Variants in DENND2B observed in about 807,000 individuals in gnomAD.
DENND2B encodes the protein DENN domain containing 2B.
A neutral mutation model predicts 116.0 loss-of-function variants in DENND2B; 32 were observed. The ratio of observed to expected loss-of-function variants is 0.28; its 90% CI spans 0.21 to 0.37. The LOEUF is 0.37. Ranked by LOEUF, DENND2B falls within the 10% of genes least tolerant of loss-of-function variation. The pLI is 1.00. For missense variants in DENND2B, 1,276 were observed against 1,477.7 expected (o/e 0.86, Z 2.24); for synonymous variants, 588 against 583.9 (o/e 1.01, Z -0.10).
intron 1 of DENND2B, among the ~76,000 whole-genome samples, chr11:8,883,822 A>G (rs1305472828): frequency 6.6e-6 from 1 of 152,228 alleles, no homozygotes; most frequent in Non-Finnish European, 1.5e-5. Flanking sequence ...TATCAATTAG[A>G]TACCATCGTC....
intron 1 of DENND2B, among the ~76,000 whole-genome samples, chr11:8,784,955 A>G (rs2058757634): frequency 6.6e-6 from 1 of 152,228 alleles, no homozygotes; most frequent in Non-Finnish European, 1.5e-5. Context: ...TTGAAACTAA[A>G]CAGGGAAGTA....
intron 3 of DENND2B, 113 bp downstream of exon 3, chr11:8,729,826 TTCAGCACTTCA>T: frequency 3.9e-6 from 5 of 1,278,546 alleles, no homozygotes; most frequent in Non-Finnish European, 5.4e-6. Context: ...CTAACAATTA[TTCAGCACTTCA>T]GAGCTTACGA....
intron 1 of DENND2B, among the ~76,000 whole-genome samples, chr11:8,797,480 C>G (rs917393674): frequency 7.6e-6 from 1 of 132,418 alleles, no homozygotes; most frequent in Admixed American, 8.5e-5. Flanking sequence ...TCTTCCCCTT[C>G]TTCCCTCTTC....
In DENND2B at chr11:8,806,062, G is replaced by A. The variant is rs576937647; in HGVS notation, c.-26+4455C>T. 9.9e-5 allele frequency among the ~76,000 whole-genome samples: 15 copies of A among 152,274 alleles called. No individual in the cohort carries two copies. In the East Asian group the frequency reaches 1.5e-3, roughly 16 times the overall value. ...CTTCTGCTAAATTGTGTAGGCCTCC[G>A]AGGTCAGCCCTTCTCTCGATTACCA... On this transcript the variant is annotated intron_variant, in intron 1 of 19. Coordinates refer to ENST00000313726, the MANE Select transcript of DENND2B (RefSeq NM_213618.2).
intron 1 of DENND2B, chr11:8,809,739 C>G (rs2061217554): frequency 6.6e-6 from 1 of 152,246 alleles, no homozygotes; most frequent in South Asian, 2.1e-4. Context: ...AAGGAATCCA[C>G]CCGGCACAAC....
In DENND2B at chr11:8,752,677, C is replaced by A. The variant is rs76592392; in HGVS notation, c.-25-1952G>T. Among the ~76,000 whole-genome samples, 118 of 152,208 alleles carry A rather than the reference C, an allele frequency of 7.8e-4. 1 individual carries two copies. The East Asian group carries it at 0.022, about 29-fold the overall frequency. ...TTAAATATTTAAAAGTAAAAAATGT[C>A]TGTTCATGTACCATATATTCTTAGC... On this transcript the variant is annotated intron_variant, in intron 1 of 19. Coordinates refer to ENST00000313726, the MANE Select transcript of DENND2B (RefSeq NM_213618.2).
intron 2 of DENND2B, among the ~76,000 whole-genome samples, chr11:8,738,431 T>A (rs148187509): frequency 5.0e-4 from 76 of 152,280 alleles, no homozygotes; most frequent in African/African-American, 1.6e-3. Flanking sequence ...CTAGCTACAC[T>A]TAACGCTCTA....
intron 1 of DENND2B, among the ~76,000 whole-genome samples, chr11:8,802,065 C>T (rs1394226632): frequency 6.6e-6 from 1 of 150,782 alleles, no homozygotes; most frequent in African/African-American, 2.4e-5. Context: ...CTTTGGGAGG[C>T]CTAGGCAGGT....
At chr11:8,816,320 A>G (rs2061565846) in intron 4 of DENND2B, among the ~76,000 whole-genome samples, 1 of 152,122 alleles carries the variant, frequency 6.6e-6, no homozygotes, top group Admixed American at 6.5e-5. Flanking sequence ...CTGGGGTGGG[A>G]GAATTGCTTG....
chr11:8,725,244 C>T (rs1203640484), intron 4 of DENND2B, among the ~76,000 whole-genome samples: 1 of 152,074 alleles, frequency 6.6e-6, no homozygotes, highest in African/African-American at 2.4e-5. Flanking sequence ...TAAAAGAGAC[C>T]CCAGAGAACT....
chr11:8,854,163 G>A (rs1441656580), intron 3 of DENND2B, among the ~76,000 whole-genome samples: 2 of 150,126 alleles, frequency 1.3e-5, no homozygotes, highest in Non-Finnish European at 3.0e-5. Flanking sequence ...CACCATGTCT[G>A]GCCATATATT....
rs756548268 is a variant in DENND2B at position 8,714,731 on chromosome 11, G to A, written c.1846-25C>T. ...GCTGGGTGAGAAAAGCAGGATGGGT[G>A]AGGTAACCTTAACACCAGCTGCCCT... On this transcript the variant is annotated intron_variant, in intron 6 of 19. Transcript: ENST00000313726. 12 of 1,602,604 alleles carry A rather than the reference G, an allele frequency of 7.5e-6. No individual in the cohort carries two copies. In the South Asian group the frequency reaches 7.7e-5, roughly 10 times the overall value.
intron 2 of DENND2B, among the ~76,000 whole-genome samples, chr11:8,859,760 C>T (rs1347690585): frequency 6.6e-6 from 1 of 152,154 alleles, no homozygotes; most frequent in Admixed American, 6.5e-5. Context: ...GCCCCACTAC[C>T]CCCACTACCC....
chr11:8,830,235 C>T (rs1303915766), intron 4 of DENND2B, among the ~76,000 whole-genome samples: 1 of 152,190 alleles, frequency 6.6e-6, no homozygotes, highest in Non-Finnish European at 1.5e-5. Flanking sequence ...CCACACCTAC[C>T]CCTCCAAGGT....
intron 1 of DENND2B, among the ~76,000 whole-genome samples, chr11:8,910,437 A>G (rs1190783359): frequency 1.3e-5 from 2 of 151,980 alleles, no homozygotes; most frequent in Non-Finnish European, 2.9e-5. Flanking sequence ...TCTGTCGCCC[A>G]GGCTGGAGTG....
chr11:8,743,306 T>C (rs1049943677), intron 2 of DENND2B, among the ~76,000 whole-genome samples: 3 of 151,912 alleles, frequency 2.0e-5, no homozygotes, highest in Admixed American at 6.6e-5. Context: ...TTCCAGCACT[T>C]TGGGAGGCTG....
chr11:8,717,135 G>A (rs1166230954), intron 5 of DENND2B, among the ~76,000 whole-genome samples: 1 of 152,144 alleles, frequency 6.6e-6, no homozygotes, highest in Non-Finnish European at 1.5e-5. Context: ...GACAAGGACA[G>A]AAGGAGCTGA....
At chr11:8,894,957 T>C (rs1373119384) in intron 1 of DENND2B, among the ~76,000 whole-genome samples, 1 of 152,190 alleles carries the variant, frequency 6.6e-6, no homozygotes, top group African/African-American at 2.4e-5. Flanking sequence ...CACGTATGTT[T>C]ATTGCGGCAC....
chr11:8,895,799 T>C (rs779214221), intron 1 of DENND2B, among the ~76,000 whole-genome samples: 2 of 152,174 alleles, frequency 1.3e-5, no homozygotes, highest in Non-Finnish European at 2.9e-5. Context: ...GAAAGGTTTA[T>C]TCTTTTAGAG....
Sources: gnomAD v4.1 joint callset for allele counts (sites outside exome capture counted in the v4.1 genomes callset) on GRCh38, gnomAD v4.1.1 for gene constraint, MANE v1.5 for transcripts, NCBI Gene and HGNC (gene_info 2026-07-23, HGNC 2026-07-21) for gene names.